The following NCKAP5 variants were observed in gnomAD, a reference collection of about 807,000 sequenced individuals.
NCKAP5 encodes the protein NCK associated protein 5.
Under a neutral mutation model 167.0 loss-of-function variants are expected in NCKAP5, and 92 were observed. That is an observed-to-expected ratio of 0.55 (90% confidence interval 0.47 to 0.66). The LOEUF is 0.66. Among genes scored for constraint, NCKAP5 ranks in the 30% least tolerant of loss-of-function variants. The pLI is 0.00. For missense variants in NCKAP5, 2,378 were observed against 2,315.0 expected (o/e 1.03, Z -0.56); for synonymous variants, 891 against 877.4 (o/e 1.02, Z -0.27).
intron 6 of NCKAP5, among the ~76,000 whole-genome samples, chr2:133,064,189 A>G (rs2080109164): frequency 6.6e-6 from 1 of 152,224 alleles, no homozygotes; most frequent in Non-Finnish European, 1.5e-5. Context: ...CAGCTATAAA[A>G]CTATAAATAA....
chr2:132,958,770 T>A (rs2076415833), intron 8 of NCKAP5, among the ~76,000 whole-genome samples: 1 of 152,162 alleles, frequency 6.6e-6, no homozygotes. Context: ...GTCTCCTTTT[T>A]ATTTTTTATA....
chr2:132,952,867 G>A (rs973536251), intron 8 of NCKAP5, among the ~76,000 whole-genome samples: 3 of 152,168 alleles, frequency 2.0e-5, no homozygotes, highest in Non-Finnish European at 2.9e-5. Context: ...GGTTTGCAGC[G>A]CCACTTGGCG....
intron 8 of NCKAP5, among the ~76,000 whole-genome samples, chr2:132,932,636 G>T (rs1696477823): frequency 6.6e-6 from 1 of 152,134 alleles, no homozygotes; most frequent in Non-Finnish European, 1.5e-5. Flanking sequence ...CGTACTAGCT[G>T]TTTTCTTGTG....
intron 3 of NCKAP5, among the ~76,000 whole-genome samples, chr2:133,438,489 A>G (rs533920239): frequency 2.6e-5 from 4 of 152,316 alleles, no homozygotes. Context: ...TTTGCACATA[A>G]TGCTAGTTAC....
intron 10 of NCKAP5, among the ~76,000 whole-genome samples, chr2:132,862,778 ACC>A (rs1491220068): frequency 8.2e-5 from 7 of 84,944 alleles, no homozygotes; most frequent in African/African-American, 2.7e-4. Context: ...AAAAAAAAAA[ACC>A]AAAAAAAAAC....
Position 132,787,972 on chromosome 2 carries a change from A to G in NCKAP5, c.1092+2051T>C, listed in dbSNP as rs527467628. ...CATTCTGGAGCCTGCCAGGTGCTGCACTGCGACTTGCCCCAGAGCCAGTGG... is the reference window on the plus strand; with the variant it reads ...CATTCTGGAGCCTGCCAGGTGCTGCGCTGCGACTTGCCCCAGAGCCAGTGG... On this transcript the variant is annotated intron_variant, in intron 13 of 19. Transcript: ENST00000409261. Among the ~76,000 whole-genome samples the G allele has an allele frequency of 3.3e-5, 5 of 152,160 alleles. No homozygotes were observed. In the East Asian group the frequency reaches 9.7e-4, roughly 29 times the overall value.
chr2:133,559,585 A>G (rs935832259), intron 1 of NCKAP5, among the ~76,000 whole-genome samples: 3 of 152,162 alleles, frequency 2.0e-5, no homozygotes, highest in African/African-American at 7.2e-5. Flanking sequence ...AGCCTGAGTC[A>G]CTGAGATTAT....
At chr2:133,464,693 T>C (rs1692429574) in intron 3 of NCKAP5, among the ~76,000 whole-genome samples, 1 of 152,124 alleles carries the variant, frequency 6.6e-6, no homozygotes, top group Non-Finnish European at 1.5e-5. Context: ...CCATCTTAAA[T>C]AAATAAACAA....
At chr2:133,114,048 T>G (rs2081999069) in intron 6 of NCKAP5, among the ~76,000 whole-genome samples, 1 of 152,240 alleles carries the variant, frequency 6.6e-6, no homozygotes, top group East Asian at 1.9e-4. Flanking sequence ...GGTTTATAAC[T>G]TGTATATATT....
intron 3 of NCKAP5, among the ~76,000 whole-genome samples, chr2:133,471,261 A>G (rs1252977254): frequency 6.6e-6 from 1 of 152,158 alleles, no homozygotes; most frequent in Non-Finnish European, 1.5e-5. Context: ...TGGCCTCAGC[A>G]CGAACAGCCA....
Position 133,132,481 on chromosome 2 carries a change from GCACA to G in NCKAP5, c.208-2374_208-2371del, listed in dbSNP as rs373384379. Among the ~76,000 whole-genome samples, 576 of 130,036 alleles carry G rather than the reference GCACA, an allele frequency of 4.4e-3. 1 individual carries two copies. The highest frequency in any genetic ancestry group is 0.013 in the African/African-American group (448 of 34,562). 85.3% of individuals were successfully genotyped at this position (130,036 alleles called of 152,430 possible). On this transcript the variant is annotated intron_variant, in intron 5 of 19. Transcript: ENST00000409261. The stretch of plus-strand genomic sequence containing the variant: ...TGCCTTTTAAAACATGAAAAAAAAA[GCACA>G]CACACACACACACACACACACACAC...
intron 5 of NCKAP5, among the ~76,000 whole-genome samples, chr2:133,201,262 G>A (rs976927550): frequency 6.6e-6 from 1 of 152,100 alleles, no homozygotes; most frequent in African/African-American, 2.4e-5. Flanking sequence ...ACGTTACTCA[G>A]CAGGGCACAC....
intron 6 of NCKAP5, among the ~76,000 whole-genome samples, chr2:133,043,745 T>C (rs2079293343): frequency 6.6e-6 from 1 of 152,152 alleles, no homozygotes; most frequent in African/African-American, 2.4e-5. Flanking sequence ...TAAATGCTTG[T>C]TCCTTGCTTT....
At chr2:133,259,597 G>A (rs766984737) in intron 4 of NCKAP5, among the ~76,000 whole-genome samples, 8 of 152,140 alleles carry the variant, frequency 5.3e-5, no homozygotes, top group Non-Finnish European at 8.8e-5. Flanking sequence ...AGCAACATCA[G>A]GATTCCAAAG....
chr2:133,222,567 C>A (rs931645681), intron 4 of NCKAP5, among the ~76,000 whole-genome samples: 3 of 152,132 alleles, frequency 2.0e-5, no homozygotes, highest in African/African-American at 4.8e-5. Flanking sequence ...TATAAAAATT[C>A]TTTTAAAATA....
intron 6 of NCKAP5, among the ~76,000 whole-genome samples, chr2:133,115,787 A>G (rs866725326): frequency 0.075 from 7,128 of 95,614 alleles, 406 homozygotes; most frequent in East Asian, 0.4. Flanking sequence ...ATATATATAT[A>G]TATATATATA....
At chr2:133,259,060 C>G (rs1461948889) in intron 4 of NCKAP5, among the ~76,000 whole-genome samples, 2 of 152,134 alleles carry the variant, frequency 1.3e-5, no homozygotes, top group Admixed American at 1.3e-4. Context: ...ACCTCCACCT[C>G]CCACCCTCTC....
At chr2:133,241,567 G>A (rs1049583765) in intron 4 of NCKAP5, among the ~76,000 whole-genome samples, 1 of 152,190 alleles carries the variant, frequency 6.6e-6, no homozygotes, top group Non-Finnish European at 1.5e-5. Flanking sequence ...ACTTCCCAGA[G>A]ATGTAAGATA....
intron 6 of NCKAP5, among the ~76,000 whole-genome samples, chr2:133,046,616 C>A (rs554737013): frequency 1.3e-5 from 2 of 152,014 alleles, no homozygotes; most frequent in Non-Finnish European, 2.9e-5. Flanking sequence ...TGGGCTCATG[C>A]AATTCTCTCA....
Sources: gnomAD v4.1 joint callset for allele counts (sites outside exome capture counted in the v4.1 genomes callset) on GRCh38, gnomAD v4.1.1 for gene constraint, MANE v1.5 for transcripts, NCBI Gene and HGNC (gene_info 2026-07-23, HGNC 2026-07-21) for gene names.